The following RPS6KA2 variants were observed in gnomAD, a reference collection of about 807,000 sequenced individuals.
The protein encoded by RPS6KA2 is ribosomal protein S6 kinase A2, also known as ribosomal protein S6 kinase alpha-2.
Under a neutral mutation model 91.8 loss-of-function variants are expected in RPS6KA2, and 42 were observed. The observed-to-expected ratio is 0.46, with a 90% CI of 0.36 to 0.59. RPS6KA2 has a LOEUF of 0.59. Ranked by LOEUF, RPS6KA2 falls within the 20% of genes least tolerant of loss-of-function variation. The pLI is 0.00. For synonymous variants in RPS6KA2, 414 were observed against 393.6 expected (o/e 1.05, Z -0.61); for missense variants, 798 against 978.5 (o/e 0.82, Z 2.46).
intron 2 of RPS6KA2, among the ~76,000 whole-genome samples, chr6:166,536,176 T>A (rs1459969326): frequency 6.6e-6 from 1 of 152,252 alleles, no homozygotes; most frequent in African/African-American, 2.4e-5. Flanking sequence ...ATGAGCCCTG[T>A]TGAAGGACTC....
chr6:166,464,434 T>A (rs1780444207), intron 11 of RPS6KA2, among the ~76,000 whole-genome samples: 1 of 152,184 alleles, frequency 6.6e-6, no homozygotes, highest in African/African-American at 2.4e-5. Flanking sequence ...CGAATAACAG[T>A]AATAATAAGA....
At chr6:166,789,446 GACAA>G (rs1394296308) in intron 2 of RPS6KA2, among the ~76,000 whole-genome samples, 1 of 152,246 alleles carries the variant, frequency 6.6e-6, no homozygotes, top group Admixed American at 6.5e-5. Context: ...GCAGGGCACA[GACAA>G]ACAAAAAGAC....
At chr6:166,414,270 ATAAT>A (rs1166210517) in intron 19 of RPS6KA2, among the ~76,000 whole-genome samples, 5 of 152,264 alleles carry the variant, frequency 3.3e-5, no homozygotes, top group African/African-American at 9.6e-5. Context: ...AAAAGCTGAA[ATAAT>A]TAATATTCCA....
At chr6:166,562,841 G>A (rs781074875) in intron 1 of RPS6KA2, among the ~76,000 whole-genome samples, 32 of 152,228 alleles carry the variant, frequency 2.1e-4, no homozygotes, top group Non-Finnish European at 2.1e-4. Context: ...CTTTGCAGAC[G>A]AGGTGTCTTA....
In RPS6KA2 at chr6:166,627,150, G is replaced by A. The variant is rs1326517750; in HGVS notation, c.-131C>T. 2.7e-6 allele frequency: 3 copies of A among 1,114,810 alleles called. No homozygotes were observed. Among genetic ancestry groups the A allele is most frequent in the Non-Finnish European group, 3.3e-6 (3 of 913,992 alleles). 69.1% of individuals were successfully genotyped at this position (1,114,810 alleles called of 1,614,324 possible). ...CCGGCACGGCGGCCATGGGCGCGGGGCGTGGGGCGCGAGCTGCGGTCACAA... is the reference window on the plus strand; with the variant it reads ...CCGGCACGGCGGCCATGGGCGCGGGACGTGGGGCGCGAGCTGCGGTCACAA... On this transcript the variant is annotated 5_prime_UTR_variant, in exon 1 of 21. Transcript: ENST00000265678.
intron 1 of RPS6KA2, among the ~76,000 whole-genome samples, chr6:166,555,340 G>A (rs1784146172): frequency 1.3e-5 from 2 of 152,264 alleles, no homozygotes; most frequent in Middle Eastern, 3.4e-3. Context: ...TGGGCTCTCC[G>A]ACCTTGGAGC....
In RPS6KA2 at chr6:166,433,693, G is replaced by C. The variant is rs965695137; in HGVS notation, c.1333-1203C>G. On this transcript the variant is annotated intron_variant, in intron 14 of 20. Coordinates refer to ENST00000265678, the MANE Select transcript of RPS6KA2 (RefSeq NM_021135.6). The surrounding 1 kb of genome is among the most constrained non-coding windows in gnomAD (Gnocchi z 4.4). ...GTCATTTTACTACTAGAATATGAGG[G>C]TGACTTGCTTTTAACTTCTATCATG... Among the ~76,000 whole-genome samples the C allele has an allele frequency of 6.6e-6, 1 of 152,148 alleles. No homozygotes were observed. Among genetic ancestry groups the C allele is most frequent in the Non-Finnish European group, 1.5e-5 (1 of 68,028 alleles).
At chr6:166,463,699 T>C (rs570964698) in intron 11 of RPS6KA2, among the ~76,000 whole-genome samples, 83 of 152,332 alleles carry the variant, frequency 5.4e-4, no homozygotes, top group African/African-American at 1.9e-3. Context: ...CTGCCTTCTG[T>C]AGACGGTTTT....
intron 17 of RPS6KA2, among the ~76,000 whole-genome samples, chr6:166,420,194 G>A (rs897977167): frequency 2.0e-5 from 3 of 152,186 alleles, no homozygotes; most frequent in Non-Finnish European, 2.9e-5. Flanking sequence ...ATGACAGACA[G>A]GCTGAAAAGG....
chr6:166,528,500 T>C (rs984476043), intron 3 of RPS6KA2, among the ~76,000 whole-genome samples: 3 of 150,174 alleles, frequency 2.0e-5, no homozygotes, highest in African/African-American at 7.4e-5. Context: ...ATTCAGGACA[T>C]AGGCATGGGC....
rs780707999 is a variant in RPS6KA2, at chr6:166,490,064, G to C, written c.818+607C>G. Reference sequence around the variant, plus strand: ...GGATGCTATGGCAAGGTGGTATGGGGATCAGGCTTCTTCCTACAGTCCAAG... The same window carrying C: ...GGATGCTATGGCAAGGTGGTATGGGCATCAGGCTTCTTCCTACAGTCCAAG... On this transcript the variant is annotated intron_variant, in intron 9 of 20. Transcript: ENST00000265678. The surrounding 1 kb of genome is among the most constrained non-coding windows in gnomAD (Gnocchi z 4.2). Among the ~76,000 whole-genome samples, 2 of 152,140 alleles carry C rather than the reference G, an allele frequency of 1.3e-5. No homozygotes were observed. Among genetic ancestry groups the C allele is most frequent in the Non-Finnish European group, 2.9e-5 (2 of 68,032 alleles).
At chr6:166,682,519 C>T (rs781454516) in intron 2 of RPS6KA2, among the ~76,000 whole-genome samples, 4 of 152,124 alleles carry the variant, frequency 2.6e-5, no homozygotes, top group Non-Finnish European at 5.9e-5. Flanking sequence ...GAGCAAGCTC[C>T]GAGGGCAGGG....
At chr6:166,575,389 G>A (rs780336293) in intron 1 of RPS6KA2, among the ~76,000 whole-genome samples, 3 of 152,160 alleles carry the variant, frequency 2.0e-5, no homozygotes, top group Non-Finnish European at 2.9e-5. Flanking sequence ...AATCGAGCAC[G>A]AGAGGGCACC....
chr6:166,702,435 CGCTTGTCT>C, intron 2 of RPS6KA2: 2 of 21,640 alleles, frequency 9.2e-5, no homozygotes, highest in Non-Finnish European at 5.5e-5. Context: ...GCTTGTCTAG[CGCTTGTCT>C]AGCTTGGTCC....
At chr6:166,792,230 A>C (rs1234097799) in intron 2 of RPS6KA2, among the ~76,000 whole-genome samples, 1 of 152,244 alleles carries the variant, frequency 6.6e-6, no homozygotes, top group Non-Finnish European at 1.5e-5. Context: ...AAACACCTCT[A>C]CGCAAATAAA....
intron 2 of RPS6KA2, among the ~76,000 whole-genome samples, chr6:166,668,892 CTTTTCTTTT>C (rs1243926206): frequency 1.6e-4 from 16 of 98,796 alleles, no homozygotes; most frequent in African/African-American, 6.3e-4. Flanking sequence ...TCCTTTCTTT[CTTTTCTTTT>C]TTTTTTTTCA....
intron 1 of RPS6KA2, among the ~76,000 whole-genome samples, chr6:166,614,364 C>T (rs1435158569): frequency 2.6e-5 from 4 of 152,192 alleles, no homozygotes; most frequent in Admixed American, 2.0e-4. Context: ...AGCCCCCATT[C>T]CCAGAAGGAC....
At chr6:166,564,026 G>A (rs1784420836) in intron 1 of RPS6KA2, among the ~76,000 whole-genome samples, 1 of 152,174 alleles carries the variant, frequency 6.6e-6, no homozygotes, top group Admixed American at 6.5e-5. Flanking sequence ...TCACTGAGTA[G>A]GAACAGTTTG....
Position 166,570,187 on chromosome 6 carries a change from C to T in RPS6KA2, c.100-31403G>A, listed in dbSNP as rs563897221. Among the ~76,000 whole-genome samples, 7 of 152,330 alleles carry T rather than the reference C, an allele frequency of 4.6e-5. No individual in the cohort carries two copies. In the East Asian group the frequency reaches 5.8e-4, roughly 13 times the overall value. ...AACCCCAAGGGTGTAACAGCAACTACGTGGTCTCAGACCCAGGAGCTTCCT... is the reference window on the plus strand; with the variant it reads ...AACCCCAAGGGTGTAACAGCAACTATGTGGTCTCAGACCCAGGAGCTTCCT... On this transcript the variant is annotated intron_variant, in intron 1 of 20. Coordinates refer to ENST00000265678, the MANE Select transcript of RPS6KA2 (RefSeq NM_021135.6).
Sources: allele counts gnomAD v4.1 joint callset (sites outside exome capture counted in the v4.1 genomes callset), GRCh38; gene constraint gnomAD v4.1.1; non-coding constraint Gnocchi (gnomAD v3.1); transcripts MANE v1.5; gene names NCBI Gene and HGNC (gene_info 2026-07-23, HGNC 2026-07-21).